The following EXOSC7 variants were observed in gnomAD, a reference collection of about 807,000 sequenced individuals.
EXOSC7 encodes exosome complex component RRP42.
A neutral mutation model predicts 34.3 loss-of-function variants in EXOSC7; 25 were observed. That is an observed-to-expected ratio of 0.73 (90% CI 0.53 to 1.02). The LOEUF is 1.02. EXOSC7 is among the 50% of genes least tolerant of loss of function. The pLI is 0.00. For synonymous variants in EXOSC7, 130 were observed against 143.0 expected, an observed-to-expected ratio of 0.91 and a Z score of 0.65; for missense variants, 370 against 368.5, an observed-to-expected ratio of 1.00 and a Z score of -0.03.
At chr3:45,005,921 A>T (rs779367115) in intron 6 of EXOSC7, among the ~76,000 whole-genome samples, 1 of 152,112 alleles carries the variant, frequency 6.6e-6, no homozygotes, top group Non-Finnish European at 1.5e-5. Flanking sequence ...TGTATTGGCT[A>T]TTGACTGGGA....
At chr3:45,006,739 G>C (rs1295898444) in intron 6 of EXOSC7, among the ~76,000 whole-genome samples, 6 of 151,894 alleles carry the variant, frequency 4.0e-5, no homozygotes, top group African/African-American at 9.7e-5. Flanking sequence ...GTGTTGCTCT[G>C]TTGCCCAGGC....
intron 5 of EXOSC7, chr3:45,002,323 G>A (rs920512945): frequency 6.6e-6 from 1 of 152,026 alleles, no homozygotes; most frequent in South Asian, 2.1e-4. Flanking sequence ...ATTAAAAAAC[G>A]AGGATTAGAA....
At chr3:44,986,712 CTTCCACCTGATTTGTGATG>C (rs1706428035) in intron 1 of EXOSC7, among the ~76,000 whole-genome samples, 1 of 152,218 alleles carries the variant, frequency 6.6e-6, no homozygotes. Context: ...TGCACAGGAC[CTTCCACCTGATTTGTGATG>C]TTTATTTTCT....
In EXOSC7 at chr3:45,007,453, C is replaced by A. The variant is rs1402505137; in HGVS notation, c.649C>A (p.Gln217Lys). ...GYRHVVDATL[Q>K]EEACSLASLL... Reference sequence around the variant, plus strand: ...TCGGCATGTGGTGGATGCTACTCTTCAGGAGGAGGCCTGCTCGCTGGCCAG... The same window carrying A: ...TCGGCATGTGGTGGATGCTACTCTTAAGGAGGAGGCCTGCTCGCTGGCCAG... Residue 217 changes from glutamine to lysine, a missense_variant, in exon 7 of 8, where the codon CAG (glutamine) becomes AAG (lysine). Gln to Lys is a moderately conservative substitution (Grantham distance 53). Around this residue, in one of 3 missense-constraint regions of EXOSC7, gnomAD observed 255 missense variants for 246.4 expected, o/e 1.03. Transcript: ENST00000265564. The A allele has an allele frequency of 1.1e-5, 18 of 1,614,216 alleles. No individual in the cohort carries two copies. The highest frequency in any genetic ancestry group is 1.5e-5 in the Non-Finnish European group (18 of 1,180,022).
intron 3 of EXOSC7, 129 bp downstream of exon 3, chr3:44,989,773 C>A (rs1706521678): frequency 1.4e-6 from 1 of 690,578 alleles, no homozygotes; most frequent in Admixed American, 2.5e-5. Flanking sequence ...CAGGCATTTG[C>A]TGACCTCCTC....
intron 1 of EXOSC7, among the ~76,000 whole-genome samples, chr3:44,978,367 G>A (rs1379529182): frequency 6.6e-6 from 1 of 151,892 alleles, no homozygotes. Flanking sequence ...TCCCTAAGGA[G>A]GTGGAATTGC....
At chr3:45,006,973 C>T (rs1707066476) in intron 6 of EXOSC7, among the ~76,000 whole-genome samples, 1 of 152,224 alleles carries the variant, frequency 6.6e-6, no homozygotes, top group African/African-American at 2.4e-5. Context: ...ATTCCATTTT[C>T]CTCAGCTTCC....
intron 4 of EXOSC7, among the ~76,000 whole-genome samples, chr3:45,000,214 G>C (rs1288920625): frequency 1.3e-5 from 2 of 152,174 alleles, no homozygotes; most frequent in Non-Finnish European, 2.9e-5. Context: ...GCTGACCTTT[G>C]GTGGGGTGAT....
chr3:45,000,847 A>G (rs1352627077), intron 4 of EXOSC7, among the ~76,000 whole-genome samples: 1 of 152,268 alleles, frequency 6.6e-6, no homozygotes, highest in African/African-American at 2.4e-5. Flanking sequence ...AATAAAGGTG[A>G]TCAGTCCCAC....
rs142112031 is a variant in EXOSC7 at position 44,997,655 on chromosome 3, T to A, written c.420+403T>A. Among the ~76,000 whole-genome samples the A allele has an allele frequency of 3.4e-3, 518 of 152,330 alleles. 2 individuals are homozygous for A. Among genetic ancestry groups the A allele is most frequent in the Non-Finnish European group, 5.8e-3 (393 of 68,032 alleles). On this transcript the variant is annotated intron_variant, in intron 4 of 7. Coordinates refer to ENST00000265564, the MANE Select transcript of EXOSC7 (RefSeq NM_015004.4). ...TTTCATTTAAACCTTATAAACCTGT[T>A]ACAAATGGACACTGTTATATTTCCC...
intron 3 of EXOSC7, among the ~76,000 whole-genome samples, chr3:44,992,157 C>T (rs1706591490): frequency 6.6e-6 from 1 of 152,188 alleles, no homozygotes; most frequent in South Asian, 2.1e-4. Context: ...GGGTGCCACA[C>T]ACCCACTCCC....
At chr3:45,010,161 T>G (rs1707164483) in intron 7 of EXOSC7, among the ~76,000 whole-genome samples, 1 of 152,182 alleles carries the variant, frequency 6.6e-6, no homozygotes, top group African/African-American at 2.4e-5. Flanking sequence ...TAGAGATTTG[T>G]GGTTGGTTCT....
intron 7 of EXOSC7, among the ~76,000 whole-genome samples, chr3:45,009,651 T>G (rs1007482624): frequency 7.9e-5 from 12 of 151,886 alleles, no homozygotes; most frequent in African/African-American, 2.9e-4. Context: ...CTGGTTCAAG[T>G]GATTCTGCCT....
intron 6 of EXOSC7, among the ~76,000 whole-genome samples, chr3:45,006,138 C>G (rs1216216782): frequency 1.6e-5 from 2 of 122,254 alleles, no homozygotes; most frequent in Non-Finnish European, 3.1e-5. Flanking sequence ...AGTGCAATGG[C>G]GCGATCTCAG....
chr3:45,002,340 A>G (rs1287791745), intron 5 of EXOSC7: 2 of 152,194 alleles, frequency 1.3e-5, no homozygotes. Context: ...AGAAACTTCT[A>G]GGGATATAAC....
chr3:44,988,914 A>G (rs1170878073), intron 1 of EXOSC7, among the ~76,000 whole-genome samples: 1 of 152,200 alleles, frequency 6.6e-6, no homozygotes, highest in Non-Finnish European at 1.5e-5. Context: ...CTTTGTTTTC[A>G]CTAGCTGTAG....
intron 5 of EXOSC7, among the ~76,000 whole-genome samples, chr3:45,003,046 G>A (rs986063854): frequency 1.3e-5 from 2 of 152,182 alleles, no homozygotes; most frequent in Non-Finnish European, 2.9e-5. Flanking sequence ...GTTTAGCTGT[G>A]GGGGAGTTGC....
chr3:45,011,298 A>C lies in EXOSC7; in HGVS notation c.835A>C (p.Ser279Arg), dbSNP rs763602462. The C allele has an allele frequency of 6.2e-7, 1 of 1,613,568 alleles. No homozygotes were observed. Among genetic ancestry groups the C allele is most frequent in the Non-Finnish European group, 8.5e-7 (1 of 1,179,772 alleles). The change falls in exon 8 of 8, where the codon AGC (serine) becomes CGC (arginine). Residue 279 changes from serine (S) to arginine (R), a missense_variant. Physicochemically the swap from Ser to Arg is moderately radical, Grantham distance 110. Around this residue, in one of 3 missense-constraint regions of EXOSC7, gnomAD observed 255 missense variants for 246.4 expected, o/e 1.03. Transcript: ENST00000265564. ...SLQSVVHKEE[S>R]LGPKRQKVGF... ...GCAGAGTGTTGTGCACAAGGAAGAA[A>C]GCCTGGGGCCCAAGAGACAGAAAGT... is the stretch of plus-strand genomic sequence containing the variant.
At chr3:45,005,581 C>T (rs904649823) in intron 6 of EXOSC7, among the ~76,000 whole-genome samples, 167 bp downstream of exon 6, 9 of 152,244 alleles carry the variant, frequency 5.9e-5, no homozygotes, top group Non-Finnish European at 1.0e-4. Flanking sequence ...ACCACTACCA[C>T]GAGTAGCTCT....
Sources: gnomAD v4.1 joint callset for allele counts (sites outside exome capture counted in the v4.1 genomes callset) on GRCh38, gnomAD v4.1.1 for gene constraint, gnomAD v4.1.1 regional missense constraint, MANE v1.5 for transcripts, NCBI Gene and HGNC (gene_info 2026-07-23, HGNC 2026-07-21) for gene names.